The following LMF1 variants were observed in gnomAD, a reference collection of about 807,000 sequenced individuals.
LMF1 encodes lipase maturation factor 1.
Under a neutral mutation model 60.6 loss-of-function variants are expected in LMF1, and 68 were observed. The ratio of observed to expected loss-of-function variants is 1.12; its 90% CI spans 0.92 to 1.37. LMF1 has a LOEUF of 1.37. LMF1 is among the 40% of genes most tolerant of loss of function. LMF1 has a pLI of 0.00. For synonymous variants in LMF1, 418 were observed against 324.7 expected, an observed-to-expected ratio of 1.29 and a Z score of -3.09; for missense variants, 948 against 767.2, an observed-to-expected ratio of 1.24 and a Z score of -2.78.
chr16:973,620 GC>G (rs1350261380), upstream of LMF1, among the ~76,000 whole-genome samples: 1 of 152,198 alleles, frequency 6.6e-6, no homozygotes, highest in East Asian at 1.9e-4. Context: ...GGCGATGGCT[GC>G]CCAGCACTGT....
chr16:886,955 A>C (rs978558225), intron 5 of LMF1: 7 of 150,818 alleles, frequency 4.6e-5, no homozygotes, highest in African/African-American at 1.7e-4. Context: ...CTTCTTACAA[A>C]AACCAATAAA....
chr16:901,168 T>C (rs2070802175), intron 4 of LMF1: 1 of 152,242 alleles, frequency 6.6e-6, no homozygotes, highest in Admixed American at 6.5e-5. Context: ...TCTCCTCTAC[T>C]GATATTGTCC....
chr16:977,158 A>G (rs1255263907), intron 1 of LMF1: 3 of 451,922 alleles, frequency 6.6e-6, no homozygotes, highest in Non-Finnish European at 1.3e-5. Flanking sequence ...CAGGAAGCTT[A>G]AGGCACAGAC....
intron 1 of LMF1, chr16:979,198 T>A (rs553962139): frequency 2.4e-6 from 1 of 424,340 alleles, no homozygotes; most frequent in East Asian, 7.2e-5. Flanking sequence ...CCCGGCGTCC[T>A]CTCAGGCCTA....
At position 926,217 on chromosome 16, in the gene LMF1, G is replaced by A. The variant is rs114670346; in HGVS notation, c.514+8027C>T. On this transcript the variant is annotated intron_variant, in intron 3 of 10. Coordinates refer to ENST00000262301, the MANE Select transcript of LMF1 (RefSeq NM_022773.4). ...TCTGCATACGTGGGTCTGTGTGCGCGTGTGCACGTTTGCATATGATCTGCA... is the reference window on the plus strand; with the variant it reads ...TCTGCATACGTGGGTCTGTGTGCGCATGTGCACGTTTGCATATGATCTGCA... Among the ~76,000 whole-genome samples the A allele has an allele frequency of 2.8e-3, 432 of 152,164 alleles. 5 individuals carry two copies. Among genetic ancestry groups the A allele is most frequent in the African/African-American group, 9.8e-3 (405 of 41,524 alleles).
At chr16:893,321 G>A (rs1181180247) in intron 4 of LMF1, 3 of 600,704 alleles carry the variant, frequency 5.0e-6, no homozygotes, top group Admixed American at 4.3e-5. Context: ...GGCTTCCTTT[G>A]CGCCTTCCCC....
intron 10 of LMF1, among the ~76,000 whole-genome samples, chr16:866,327 ATTCC>A (rs1283173363): frequency 3.3e-5 from 5 of 152,158 alleles, no homozygotes; most frequent in Non-Finnish European, 7.4e-5. Context: ...CATTGGGAGT[ATTCC>A]TTGTTGTTTC....
At chr16:946,012 C>G (rs1330809081) in intron 2 of LMF1, among the ~76,000 whole-genome samples, 3 of 152,204 alleles carry the variant, frequency 2.0e-5, no homozygotes, top group Admixed American at 2.0e-4. Context: ...CTGGAAACAG[C>G]TGACATGGAC....
chr16:929,524 G>C (rs574668656), intron 3 of LMF1, among the ~76,000 whole-genome samples: 1 of 152,242 alleles, frequency 6.6e-6, no homozygotes. Flanking sequence ...GTCCTCTCGG[G>C]TTCCCGCATC....
chr16:924,361 T>C (rs1597005114), intron 3 of LMF1, among the ~76,000 whole-genome samples: 1 of 152,318 alleles, frequency 6.6e-6, no homozygotes, highest in East Asian at 1.9e-4. Context: ...AGGGCTTCTG[T>C]TTTTATTATA....
chr16:864,380 T>C (rs986827483), intron 10 of LMF1, among the ~76,000 whole-genome samples: 7 of 152,220 alleles, frequency 4.6e-5, no homozygotes, highest in African/African-American at 1.7e-4. Flanking sequence ...ACGCACTCGG[T>C]AGGAACCGCA....
At chr16:965,175 C>T (rs997612979) in intron 1 of LMF1, among the ~76,000 whole-genome samples, 1 of 152,262 alleles carries the variant, frequency 6.6e-6, no homozygotes, top group Non-Finnish European at 1.5e-5. Context: ...GCGGTGGGTT[C>T]TGTGTGGTGC....
At chr16:978,135 A>G (rs917436431) in intron 1 of LMF1, among the ~76,000 whole-genome samples, 3 of 136,628 alleles carry the variant, frequency 2.2e-5, no homozygotes, top group African/African-American at 5.9e-5. Context: ...ACACCACACC[A>G]CACACATACA....
intron 3 of LMF1, among the ~76,000 whole-genome samples, chr16:920,205 C>G (rs967132511): frequency 6.6e-6 from 1 of 151,938 alleles, no homozygotes; most frequent in African/African-American, 2.4e-5. Context: ...GGCCCTGGCC[C>G]GTTGGCTCGG....
In LMF1 at chr16:871,321, C is replaced by G; in HGVS notation, c.918G>C (p.Gly306=). ...ILFQAVLIVS[G]NLSFLNWLTM... ...TCAGCCAGTTCAGGAAGCTGAGGTT[C>G]CCGCTGACGATGAGGACGGCCTGTG... Residue 306 remains glycine, a synonymous_variant, in exon 7 of 11, where the codon GGG becomes GGC. Transcript: ENST00000262301. 2 of 1,612,382 alleles carry G rather than the reference C, an allele frequency of 1.2e-6. No individual in the cohort carries two copies. The highest frequency in any genetic ancestry group is 8.5e-7 in the Non-Finnish European group (1 of 1,179,796).
rs930818407 is a variant in LMF1 at position 874,687 on chromosome 16, G to T, written c.898-3346C>A. ...GGAACCAGGACAGGCTCCGGGGGAC[G>T]GTGCTCAGATGGGAACACACGGAAC... On this transcript the variant is annotated intron_variant, in intron 6 of 10. Transcript: ENST00000262301. This position sits in a 1 kb window ranked among gnomAD's most constrained non-coding sequence, Gnocchi z 4.1. 2.6e-5 allele frequency among the ~76,000 whole-genome samples: 4 copies of T among 151,924 alleles called. No individual in the cohort carries two copies. Among genetic ancestry groups the T allele is most frequent in the African/African-American group, 9.7e-5 (4 of 41,328 alleles).
chr16:865,117 T>C (rs1003188163), intron 10 of LMF1, among the ~76,000 whole-genome samples: 3 of 152,216 alleles, frequency 2.0e-5, no homozygotes, highest in Non-Finnish European at 4.4e-5. Context: ...GTATAGGTTG[T>C]TTTTTACTGG....
chr16:908,060 G>GCCTGACAGCGCTTCCC (rs1207082780), intron 4 of LMF1, among the ~76,000 whole-genome samples: 1 of 152,116 alleles, frequency 6.6e-6, no homozygotes, highest in Non-Finnish European at 1.5e-5. Flanking sequence ...CAGGGCTTCG[G>GCCTGACAGCGCTTCCC]CCTGACAGCG....
intron 8 of LMF1, among the ~76,000 whole-genome samples, 163 bp from the exon 9 acceptor site, chr16:870,229 TGAG>T (rs2069742350): frequency 2.0e-5 from 3 of 152,076 alleles, no homozygotes; most frequent in Non-Finnish European, 4.4e-5. Flanking sequence ...TGGGTGGGGC[TGAG>T]GAGAACTTTT....
Sources: gnomAD v4.1 joint callset for allele counts (sites outside exome capture counted in the v4.1 genomes callset) on GRCh38, gnomAD v4.1.1 for gene constraint, Gnocchi (gnomAD v3.1) non-coding constraint, MANE v1.5 for transcripts, NCBI Gene and HGNC (gene_info 2026-07-23, HGNC 2026-07-21) for gene names.